RLF: variants seen among roughly 807,000 people sequenced by gnomAD.
The protein encoded by RLF is RLF zinc finger, also known as zinc finger protein Rlf.
RLF carries 7 observed loss-of-function variants against 162.9 expected under a neutral mutation model. The ratio of observed to expected loss-of-function variants is 0.04; its 90% confidence interval spans 0.02 to 0.08. The LOEUF is 0.08. Among genes scored for constraint, RLF ranks in the 10% least tolerant of loss-of-function variants. The pLI is 1.00. For missense variants in RLF, 1,664 were observed against 2,244.7 expected (o/e 0.74, Z 5.23); for synonymous variants, 782 against 791.5 (o/e 0.99, Z 0.20).
At chr1:40,233,491 C>T (rs1009681904) in intron 7 of RLF, among the ~76,000 whole-genome samples, 5 of 152,176 alleles carry the variant, frequency 3.3e-5, no homozygotes, top group African/African-American at 1.2e-4. Context: ...TTCCCCAAGT[C>T]CTCTCTGCTC....
At chr1:40,211,599 T>G (rs916325848) in intron 5 of RLF, among the ~76,000 whole-genome samples, 11 of 152,174 alleles carry the variant, frequency 7.2e-5, no homozygotes, top group Non-Finnish European at 1.0e-4. Context: ...CATCGTATCA[T>G]CATAACTAGT....
intron 1 of RLF, among the ~76,000 whole-genome samples, chr1:40,169,231 T>C (rs189497237): frequency 2.0e-5 from 3 of 152,132 alleles, no homozygotes; most frequent in Admixed American, 2.0e-4. Flanking sequence ...TGGCAAGTGG[T>C]GGTGAGTTCT....
chr1:40,230,783 A>T (rs1186083668), intron 6 of RLF, among the ~76,000 whole-genome samples: 2 of 151,996 alleles, frequency 1.3e-5, no homozygotes, highest in Non-Finnish European at 2.9e-5. Context: ...TTTTAGTTTC[A>T]CTATTAGCTT....
chr1:40,233,636 A>G (rs1643181631), intron 7 of RLF, among the ~76,000 whole-genome samples: 1 of 152,148 alleles, frequency 6.6e-6, no homozygotes, highest in Non-Finnish European at 1.5e-5. Flanking sequence ...AGAAACTTCT[A>G]TATTCTTTAG....
chr1:40,186,660 A>G (rs566620292), intron 1 of RLF, among the ~76,000 whole-genome samples: 1 of 152,322 alleles, frequency 6.6e-6, no homozygotes, highest in African/African-American at 2.4e-5. Context: ...TTCAGCCATC[A>G]TGTTGTATTG....
intron 1 of RLF, among the ~76,000 whole-genome samples, chr1:40,182,769 A>G (rs186867082): frequency 6.6e-6 from 1 of 152,000 alleles, no homozygotes; most frequent in African/African-American, 2.4e-5. Context: ...AGATAGATAG[A>G]TAGATAGATA....
At chr1:40,219,299 C>T (rs962047790) in intron 5 of RLF, among the ~76,000 whole-genome samples, 9 of 151,872 alleles carry the variant, frequency 5.9e-5, no homozygotes, top group African/African-American at 2.2e-4. Flanking sequence ...CTCTTCAAGT[C>T]AAAGGATATT....
chr1:40,236,870 T>A lies in RLF; in HGVS notation c.2168T>A (p.Phe723Tyr). 6.2e-7 allele frequency: 1 copy of A among 1,614,194 alleles called. No homozygotes were observed. Among genetic ancestry groups the A allele is most frequent in the Non-Finnish European group, 8.5e-7 (1 of 1,180,018 alleles). ...REKCTYCRRH[F>Y]MSAFHLREHE... ...AAGTGTACTTACTGTCGACGACATT[T>A]TATGTCTGCTTTTCACCTTCGAGAG... Residue 723 changes from phenylalanine to tyrosine, a missense_variant, in exon 8 of 8, where the codon TTT becomes TAT. Physicochemically the swap from Phe to Tyr is conservative, Grantham distance 22. Coordinates refer to ENST00000372771, the MANE Select transcript of RLF (RefSeq NM_012421.4). This position sits in a 1 kb window ranked among gnomAD's most constrained non-coding sequence, Gnocchi z 7.7.
At chr1:40,223,527 G>A (rs922902900) in intron 6 of RLF, among the ~76,000 whole-genome samples, 1 of 152,186 alleles carries the variant, frequency 6.6e-6, no homozygotes, top group Admixed American at 6.5e-5. Flanking sequence ...AGAACCTAAG[G>A]ATGGCTTAAA....
chr1:40,193,828 CTT>C (rs1362835705), intron 3 of RLF, among the ~76,000 whole-genome samples: 2 of 151,974 alleles, frequency 1.3e-5, no homozygotes, highest in African/African-American at 4.8e-5. Flanking sequence ...ATGGGGGAGA[CTT>C]TATATCTTGT....
chr1:40,190,723 T>C (rs1243519293), intron 2 of RLF, 49 bp from the exon 3 acceptor site: 2 of 1,199,290 alleles, frequency 1.7e-6, no homozygotes, highest in East Asian at 4.7e-5. Flanking sequence ...CATACTCTAC[T>C]TAATTATTAC....
intron 1 of RLF, among the ~76,000 whole-genome samples, chr1:40,181,445 G>A (rs1238772771): frequency 2.6e-5 from 4 of 152,122 alleles, no homozygotes; most frequent in Non-Finnish European, 5.9e-5. Context: ...GAAAAGAAAA[G>A]AAAAGAAAAT....
chr1:40,162,184 CTT>C (rs111773742), intron 1 of RLF, among the ~76,000 whole-genome samples: 23 of 139,508 alleles, frequency 1.6e-4, no homozygotes, highest in Non-Finnish European at 1.6e-4. Flanking sequence ...TTGGTTTTTG[CTT>C]TTTTTTTTTT....
chr1:40,182,745 A>ATAGG (rs1286930615), intron 1 of RLF, among the ~76,000 whole-genome samples: 53 of 112,728 alleles, frequency 4.7e-4, no homozygotes, highest in African/African-American at 1.8e-3. Context: ...GTATAGACAG[A>ATAGG]TAGATAGGTA....
intron 6 of RLF, among the ~76,000 whole-genome samples, chr1:40,229,051 C>T (rs1643118983): frequency 6.6e-6 from 1 of 152,104 alleles, no homozygotes; most frequent in Non-Finnish European, 1.5e-5. Flanking sequence ...TAATCCTCTG[C>T]TGAGGTTATA....
intron 1 of RLF, among the ~76,000 whole-genome samples, chr1:40,174,596 C>T (rs1188698619): frequency 6.6e-6 from 1 of 152,054 alleles, no homozygotes; most frequent in Non-Finnish European, 1.5e-5. Context: ...CTTGTCTATT[C>T]TTATCAAAAT....
chr1:40,226,003 A>C (rs61778551), intron 6 of RLF, among the ~76,000 whole-genome samples: 7,874 of 152,008 alleles, frequency 0.052, 597 homozygotes, highest in African/African-American at 0.17. Flanking sequence ...ATGAGCCAAG[A>C]TCACACTGCA....
intron 1 of RLF, among the ~76,000 whole-genome samples, chr1:40,179,955 C>A (rs962229416): frequency 6.6e-6 from 1 of 152,160 alleles, no homozygotes; most frequent in Non-Finnish European, 1.5e-5. Flanking sequence ...AATAATACTC[C>A]ATTTTATGGA....
chr1:40,228,935 A>G (rs61778553), intron 6 of RLF, among the ~76,000 whole-genome samples: 7,935 of 152,104 alleles, frequency 0.052, 607 homozygotes, highest in African/African-American at 0.17. Flanking sequence ...CTCCTCAGTA[A>G]TTGGGACTAC....
Sources: gnomAD v4.1 joint callset for allele counts (sites outside exome capture counted in the v4.1 genomes callset) on GRCh38, gnomAD v4.1.1 for gene constraint, Gnocchi (gnomAD v3.1) non-coding constraint, MANE v1.5 for transcripts, NCBI Gene and HGNC (gene_info 2026-07-23, HGNC 2026-07-21) for gene names.